TENM3: variants seen among roughly 807,000 people sequenced by gnomAD.
TENM3 encodes teneurin transmembrane protein 3, also known as teneurin-3.
TENM3 carries 63 observed loss-of-function variants against 255.1 expected under a neutral mutation model. The ratio of observed to expected loss-of-function variants is 0.25; its 90% CI spans 0.20 to 0.30. The LOEUF is 0.30. Among genes scored for constraint, TENM3 ranks in the 10% least tolerant of loss-of-function variants. The probability of loss-of-function intolerance (pLI) is 1.00; values close to 1 mark genes in which losing one functional copy is unlikely to be tolerated. For missense variants in TENM3, 2,929 were observed against 3,461.1 expected, an observed-to-expected ratio of 0.85 and a Z score of 3.86; for synonymous variants, 1,306 against 1,322.3, an observed-to-expected ratio of 0.99 and a Z score of 0.27.
At chr4:181,475,976 C>T in the TENM3 span, among the ~76,000 whole-genome samples, 1 of 152,190 alleles carries the variant, frequency 6.6e-6, no homozygotes, top group East Asian at 1.9e-4. Context: ...GCAGGCGGTG[C>T]GGCTCCAGCG....
chr4:182,731,678 A>T (rs1184931266), intron 16 of TENM3, among the ~76,000 whole-genome samples: 1 of 142,216 alleles, frequency 7.0e-6, no homozygotes, highest in Non-Finnish European at 1.5e-5. Context: ...TAGAATGAAT[A>T]TATAGTGGGT....
chr4:182,336,169 A>G (rs1490370245), intron 2 of TENM3, among the ~76,000 whole-genome samples: 1 of 152,166 alleles, frequency 6.6e-6, no homozygotes, highest in African/African-American at 2.4e-5. Context: ...CTAGAGTACA[A>G]TTCATCCAGT....
the TENM3 span, among the ~76,000 whole-genome samples, chr4:182,014,976 G>T: frequency 6.6e-6 from 1 of 152,240 alleles, no homozygotes; most frequent in Admixed American, 6.5e-5. Flanking sequence ...AAATATTCTT[G>T]CAAATAATCA....
At chr4:182,587,702 C>T (rs1746182674) in intron 3 of TENM3, among the ~76,000 whole-genome samples, 1 of 152,204 alleles carries the variant, frequency 6.6e-6, no homozygotes, top group African/African-American at 2.4e-5. Context: ...CGGGCCACTA[C>T]ACCTGGCCTG....
At chr4:182,210,602 A>G (rs77064103) in intron 1 of TENM3, among the ~76,000 whole-genome samples, 2 of 141,400 alleles carry the variant, frequency 1.4e-5, no homozygotes, top group African/African-American at 5.3e-5. Flanking sequence ...CGCTGCCTCC[A>G]TTTTCCCCCT....
intron 13 of TENM3, among the ~76,000 whole-genome samples, chr4:182,725,020 A>G (rs1028098415): frequency 1.3e-5 from 2 of 151,824 alleles, no homozygotes; most frequent in Non-Finnish European, 2.9e-5. Flanking sequence ...GGAAAGGTTG[A>G]GGTTTTAAAA....
the TENM3 span, among the ~76,000 whole-genome samples, chr4:181,517,121 A>G: frequency 6.6e-6 from 1 of 151,504 alleles, no homozygotes; most frequent in African/African-American, 2.4e-5. Flanking sequence ...ATCCTTAATG[A>G]ATGTAACTAA....
rs761035850 is a variant in TENM3, at chr4:182,236,493, T to C, written c.-75-87453T>C. On this transcript the variant is annotated intron_variant, in intron 1 of 2. Coordinates refer to the TENM3 transcript ENST00000512480. ...TGAAATGCCTGATTTCCTTTCATGATATGCTCATCCCTGGGCAATTACTTC... is the reference window on the plus strand; with the variant it reads ...TGAAATGCCTGATTTCCTTTCATGACATGCTCATCCCTGGGCAATTACTTC... 9.6e-4 allele frequency among the ~76,000 whole-genome samples: 147 copies of C among 152,360 alleles called. No homozygotes were observed. In the Middle Eastern group the frequency reaches 0.01, roughly 11 times the overall value.
At chr4:181,512,929 G>A in the TENM3 span, among the ~76,000 whole-genome samples, 1 of 152,158 alleles carries the variant, frequency 6.6e-6, no homozygotes, top group South Asian at 2.1e-4. Flanking sequence ...CTAATTAAGT[G>A]TCTGTGCTTT....
At chr4:181,510,561 A>AT in the TENM3 span, among the ~76,000 whole-genome samples, 20,165 of 151,634 alleles carry the variant, frequency 0.13, 1,551 homozygotes, top group South Asian at 0.29. Context: ...ATAACCACAC[A>AT]TTTTTTTTAA....
At chr4:181,526,811 T>C in the TENM3 span, among the ~76,000 whole-genome samples, 2 of 152,340 alleles carry the variant, frequency 1.3e-5, no homozygotes, top group African/African-American at 4.8e-5. Context: ...TAAATTTCTC[T>C]CCAGAATGTG....
the TENM3 span, among the ~76,000 whole-genome samples, chr4:181,660,552 C>T: frequency 6.6e-6 from 1 of 152,038 alleles, no homozygotes; most frequent in Admixed American, 6.6e-5. Context: ...TTTTATTAGC[C>T]AAGTTGATGC....
chr4:181,539,527 G>A, the TENM3 span, among the ~76,000 whole-genome samples: 4 of 152,026 alleles, frequency 2.6e-5, no homozygotes, highest in Admixed American at 1.3e-4. Context: ...AACTTAATAC[G>A]TTTATTCCTC....
the TENM3 span, among the ~76,000 whole-genome samples, chr4:181,681,649 C>T: frequency 6.6e-6 from 1 of 152,184 alleles, no homozygotes. Context: ...GATAATGAGT[C>T]AAGGAAATAC....
the TENM3 span, among the ~76,000 whole-genome samples, chr4:181,736,609 G>T: frequency 6.6e-6 from 1 of 151,804 alleles, no homozygotes. Context: ...CAATCTGTTT[G>T]TTTTCCAGGG....
At chr4:182,455,602 A>T (rs576522661) in intron 3 of TENM3, among the ~76,000 whole-genome samples, 1 of 128,920 alleles carries the variant, frequency 7.8e-6, no homozygotes, top group Admixed American at 9.3e-5. Context: ...CACTAGGCTG[A>T]CCAGGCTGGA....
At chr4:182,738,095 T>C (rs995870734) in intron 17 of TENM3, among the ~76,000 whole-genome samples, 1 of 152,188 alleles carries the variant, frequency 6.6e-6, no homozygotes, top group Non-Finnish European at 1.5e-5. Flanking sequence ...GACTGACTGA[T>C]CTAATTACTT....
chr4:182,327,621 T>A lies in TENM3; in HGVS notation c.232+3369T>A, dbSNP rs535906149. 3.9e-5 allele frequency among the ~76,000 whole-genome samples: 6 copies of A among 152,318 alleles called. 1 individual carries two copies. Among genetic ancestry groups the A allele is most frequent in the African/African-American group, 1.4e-4 (6 of 41,566 alleles). ...GGGATCATTTCTTCTTCACAGTCAT[T>A]GTGTAATTTGACGGGATCTCACATT... On this transcript the variant is annotated intron_variant, in intron 2 of 27. Coordinates refer to ENST00000511685, the MANE Select transcript of TENM3 (RefSeq NM_001080477.4).
At chr4:182,355,113 A>AC (rs1765431608) in intron 3 of TENM3, among the ~76,000 whole-genome samples, 1 of 152,196 alleles carries the variant, frequency 6.6e-6, no homozygotes, top group Admixed American at 6.5e-5. Flanking sequence ...GATTGTTGCC[A>AC]ACAGAGACTG....
Sources: gnomAD v4.1 joint callset for allele counts (sites outside exome capture counted in the v4.1 genomes callset) on GRCh38, gnomAD v4.1.1 for gene constraint, MANE v1.5 for transcripts, NCBI Gene and HGNC (gene_info 2026-07-23, HGNC 2026-07-21) for gene names.